Variants in CACNG4 observed in about 807,000 individuals in gnomAD.
The protein encoded by CACNG4 is voltage-dependent calcium channel gamma-4 subunit.
A neutral mutation model predicts 22.9 loss-of-function variants in CACNG4; 8 were observed. The observed-to-expected ratio is 0.35, with a 90% CI of 0.21 to 0.63. The LOEUF is 0.63. CACNG4 is among the 30% of genes least tolerant of loss of function. The probability of loss-of-function intolerance (pLI) is 0.72; values close to 1 mark genes in which losing one functional copy is unlikely to be tolerated. For missense variants in CACNG4, 357 were observed against 455.4 expected (o/e 0.78, Z 1.97); for synonymous variants, 188 against 191.9 (o/e 0.98, Z 0.17).
rs530484324 is a variant in CACNG4 at position 66,990,660 on chromosome 17, ATTTTATTTTATTTTATTTTAT to A, written c.220+25533_220+25553del. Among the ~76,000 whole-genome samples, 1,237 of 147,756 alleles carry A rather than the reference ATTTTATTTTATTTTATTTTAT, an allele frequency of 8.4e-3. 19 individuals are homozygous for A. Among genetic ancestry groups the A allele is most frequent in the African/African-American group, 0.03 (1,182 of 39,006 alleles). ...AATCTAAGTCTCCTTATTTTATTTT[ATTTTATTTTATTTTATTTTAT>A]TTTATTTATTTATTTTTGAGACGGA... On this transcript the variant is annotated intron_variant, in intron 1 of 3. Coordinates refer to ENST00000262138, the MANE Select transcript of CACNG4 (RefSeq NM_014405.4).
At chr17:67,002,339 A>T (rs757221132) in intron 1 of CACNG4, among the ~76,000 whole-genome samples, 1 of 152,200 alleles carries the variant, frequency 6.6e-6, no homozygotes, top group Non-Finnish European at 1.5e-5. Flanking sequence ...GGTCCCTCCC[A>T]TGAGATGTGG....
chr17:66,973,251 AAG>A (rs1491188818), intron 1 of CACNG4, among the ~76,000 whole-genome samples: 4 of 151,708 alleles, frequency 2.6e-5, no homozygotes, highest in Non-Finnish European at 5.9e-5. Context: ...AAAAAAAAAA[AAG>A]CGAAAGCACA....
At chr17:67,017,252 C>G (rs2035503876) in intron 1 of CACNG4, among the ~76,000 whole-genome samples, 1 of 151,588 alleles carries the variant, frequency 6.6e-6, no homozygotes. Flanking sequence ...AATTTTTGTA[C>G]TTTTAGGAGA....
At chr17:67,008,156 C>T (rs1381416888) in intron 1 of CACNG4, among the ~76,000 whole-genome samples, 1 of 152,216 alleles carries the variant, frequency 6.6e-6, no homozygotes, top group African/African-American at 2.4e-5. Flanking sequence ...AATGAAGGAA[C>T]TGAAGGTCAC....
chr17:66,992,302 G>A lies in CACNG4; in HGVS notation c.221-25887G>A, dbSNP rs73339124. Among the ~76,000 whole-genome samples the A allele has an allele frequency of 4.1e-3, 629 of 152,298 alleles. 11 individuals carry two copies. The highest frequency in any genetic ancestry group is 0.015 in the African/African-American group (613 of 41,560). Reference sequence around the variant, plus strand: ...GGAGACGGGTGGGGACCCCATGTTGGATCAATCCAAGAATCTCTGTATGGG... The same window carrying A: ...GGAGACGGGTGGGGACCCCATGTTGAATCAATCCAAGAATCTCTGTATGGG... On this transcript the variant is annotated intron_variant, in intron 1 of 3. Transcript: ENST00000262138.
At position 67,032,597 on chromosome 17, in the gene CACNG4, T is replaced by C. The variant is rs1278715297; in HGVS notation, c.*1593T>C. On this transcript the variant is annotated 3_prime_UTR_variant, in exon 4 of 4. Transcript: ENST00000262138. ...TGTCATCGTCCATCCCATCTTCCTTTGCCCCCAGGAAAGGACGCATCCACC... is the reference window on the plus strand; with the variant it reads ...TGTCATCGTCCATCCCATCTTCCTTCGCCCCCAGGAAAGGACGCATCCACC... 1.3e-5 allele frequency: 2 copies of C among 154,994 alleles called. No individual in the cohort carries two copies. The highest frequency in any genetic ancestry group is 2.9e-5 in the Non-Finnish European group (2 of 69,890). The allele number at this position is 154,994 out of a possible 1,614,324, so 9.6% of individuals were successfully genotyped here.
chr17:67,003,389 C>T lies in CACNG4; in HGVS notation c.221-14800C>T, dbSNP rs539436770. On this transcript the variant is annotated intron_variant, in intron 1 of 3. Coordinates refer to ENST00000262138, the MANE Select transcript of CACNG4 (RefSeq NM_014405.4). ...CTATGCTATCCAGCCAAAGGATGAT[C>T]GATAGGTATTTTATCAACTAGTAGC... Among the ~76,000 whole-genome samples the T allele has an allele frequency of 5.9e-5, 9 of 151,898 alleles. No homozygotes were observed. The Middle Eastern group carries it at 0.01, about 172-fold the overall frequency.
At position 67,032,731 on chromosome 17, in the gene CACNG4, C is replaced by T. The variant is rs924775072; in HGVS notation, c.*1727C>T. ...CCTTCGCTCCCATCAGGGTTGGCAT[C>T]ATCTGATGGCATGTCCAAGTGTGCC... On this transcript the variant is annotated 3_prime_UTR_variant, in exon 4 of 4. Transcript: ENST00000262138. 3 of 152,814 alleles carry T rather than the reference C, an allele frequency of 2.0e-5. No homozygotes were observed. Among genetic ancestry groups the T allele is most frequent in the Non-Finnish European group, 2.9e-5 (2 of 68,446 alleles). The allele number at this position is 152,814 out of a possible 1,614,324, so 9.5% of individuals were successfully genotyped here.
At chr17:66,995,917 C>G (rs2035371920) in intron 1 of CACNG4, among the ~76,000 whole-genome samples, 1 of 152,124 alleles carries the variant, frequency 6.6e-6, no homozygotes, top group Admixed American at 6.6e-5. Flanking sequence ...TCAGTTCAAC[C>G]TATTTGTGAG....
rs373958624 is a variant in CACNG4, at chr17:66,967,330, G to A, written c.220+2199G>A. On this transcript the variant is annotated intron_variant, in intron 1 of 3. Transcript: ENST00000262138. ...TCCCCAATGCTCAGTGGTTCTGAGG[G>A]CCAGAACATCCTTGTGGGACCCAGG... 5.3e-5 allele frequency among the ~76,000 whole-genome samples: 8 copies of A among 152,276 alleles called. No individual in the cohort carries two copies. The South Asian group carries it at 1.0e-3, about 20-fold the overall frequency.
rs968823843 is a variant in CACNG4, at chr17:67,027,916, A to G, written c.446-2550A>G. ...GTGCCTGTAATCCCAGCTACTTGGGAGTCTGAGGCACGAGAATCACCTGAA... is the reference window on the plus strand; with the variant it reads ...GTGCCTGTAATCCCAGCTACTTGGGGGTCTGAGGCACGAGAATCACCTGAA... On this transcript the variant is annotated intron_variant, in intron 3 of 3. Transcript: ENST00000262138. The surrounding 1 kb of genome is among the most constrained non-coding windows in gnomAD (Gnocchi z 4.3). Among the ~76,000 whole-genome samples, 17 of 152,122 alleles carry G rather than the reference A, an allele frequency of 1.1e-4. No individual in the cohort carries two copies. The highest frequency in any genetic ancestry group is 1.0e-4 in the Non-Finnish European group (7 of 68,032).
At position 67,027,105 on chromosome 17, in the gene CACNG4, C is replaced by G. The variant is rs1011487005; in HGVS notation, c.445+2105C>G. ...CTCTGTGAGCCCAACCCCACCATCCCTGCTCCTGCGGAGGAGGCACACAGG... is the reference window on the plus strand; with the variant it reads ...CTCTGTGAGCCCAACCCCACCATCCGTGCTCCTGCGGAGGAGGCACACAGG... On this transcript the variant is annotated intron_variant, in intron 3 of 3. Transcript: ENST00000262138. The surrounding 1 kb of genome is among the most constrained non-coding windows in gnomAD (Gnocchi z 4.3). Among the ~76,000 whole-genome samples, 2 of 152,216 alleles carry G rather than the reference C, an allele frequency of 1.3e-5. No homozygotes were observed. Among genetic ancestry groups the G allele is most frequent in the African/African-American group, 4.8e-5 (2 of 41,448 alleles).
chr17:66,969,310 C>T (rs963758335), intron 1 of CACNG4, among the ~76,000 whole-genome samples: 1 of 152,214 alleles, frequency 6.6e-6, no homozygotes, highest in African/African-American at 2.4e-5. Context: ...AGCTCTCCAC[C>T]CAAAGAGAAG....
chr17:67,027,088 G>A lies in CACNG4; in HGVS notation c.445+2088G>A, dbSNP rs1340261002. On this transcript the variant is annotated intron_variant, in intron 3 of 3. Coordinates refer to ENST00000262138, the MANE Select transcript of CACNG4 (RefSeq NM_014405.4). This position sits in a 1 kb window ranked among gnomAD's most constrained non-coding sequence, Gnocchi z 4.3. Reference sequence around the variant, plus strand: ...CAGTGGCCATGCCAGCGCTCTGTGAGCCCAACCCCACCATCCCTGCTCCTG... The same window carrying A: ...CAGTGGCCATGCCAGCGCTCTGTGAACCCAACCCCACCATCCCTGCTCCTG... Among the ~76,000 whole-genome samples, 3 of 152,196 alleles carry A rather than the reference G, an allele frequency of 2.0e-5. No individual in the cohort carries two copies.
At chr17:66,995,745 G>A (rs1179892589) in intron 1 of CACNG4, among the ~76,000 whole-genome samples, 7 of 152,094 alleles carry the variant, frequency 4.6e-5, no homozygotes, top group Non-Finnish European at 1.0e-4. Flanking sequence ...AGCTACTCGG[G>A]AGGCTGAGGC....
chr17:66,993,632 G>A (rs945806172), intron 1 of CACNG4, among the ~76,000 whole-genome samples: 5 of 152,160 alleles, frequency 3.3e-5, no homozygotes. Context: ...TTGAGATGGA[G>A]TCTTGCTCTG....
intron 2 of CACNG4, among the ~76,000 whole-genome samples, chr17:67,020,611 T>G (rs2035526139): frequency 6.6e-6 from 1 of 152,142 alleles, no homozygotes; most frequent in South Asian, 2.1e-4. Context: ...AACAGGGATA[T>G]CTGGCCCTAA....
At chr17:67,029,314 G>A (rs1342472399) in intron 3 of CACNG4, among the ~76,000 whole-genome samples, 2 of 146,950 alleles carry the variant, frequency 1.4e-5, no homozygotes, top group African/African-American at 5.1e-5. Context: ...CTGGGCAGCA[G>A]ACTGAGACTG....
At chr17:67,026,507 A>T (rs1417377147) in intron 3 of CACNG4, among the ~76,000 whole-genome samples, 1 of 84,978 alleles carries the variant, frequency 1.2e-5, no homozygotes, top group African/African-American at 6.7e-5. Context: ...AATGTGGTGT[A>T]TGTGTGTGTA....
Sources: gnomAD v4.1 joint callset for allele counts (sites outside exome capture counted in the v4.1 genomes callset) on GRCh38, gnomAD v4.1.1 for gene constraint, Gnocchi (gnomAD v3.1) non-coding constraint, MANE v1.5 for transcripts, NCBI Gene and HGNC (gene_info 2026-07-23, HGNC 2026-07-21) for gene names.